ZNF248: variants seen among roughly 807,000 people sequenced by gnomAD.
ZNF248 encodes the protein KRAB protein domain.
ZNF248 carries 20 observed loss-of-function variants against 44.3 expected under a neutral mutation model. The ratio of observed to expected loss-of-function variants is 0.45; its 90% confidence interval spans 0.32 to 0.66. The LOEUF (loss-of-function observed/expected upper bound fraction) is 0.66, where lower values mean the gene tolerates loss of function less well. Ranked by LOEUF, ZNF248 falls within the 30% of genes least tolerant of loss-of-function variation. ZNF248 has a pLI of 0.04. For missense variants in ZNF248, 654 were observed against 677.0 expected (o/e 0.97, Z 0.38); for synonymous variants, 224 against 229.0 (o/e 0.98, Z 0.20).
chr10:37,840,975 A>C (rs1239648010), intron 3 of ZNF248, among the ~76,000 whole-genome samples: 2 of 152,192 alleles, frequency 1.3e-5, no homozygotes, highest in Non-Finnish European at 2.9e-5. Flanking sequence ...GGCCAAGCTG[A>C]AGCAGTTGGA....
chr10:37,790,347 A>C (rs2048356521), intron 6 of ZNF248, among the ~76,000 whole-genome samples: 1 of 151,666 alleles, frequency 6.6e-6, no homozygotes, highest in Non-Finnish European at 1.5e-5. Flanking sequence ...TGGGAGGCTG[A>C]GGCTGGAAAA....
the ZNF248 span, among the ~76,000 whole-genome samples, chr10:37,769,344 C>T: frequency 6.6e-6 from 1 of 152,280 alleles, no homozygotes; most frequent in Non-Finnish European, 1.5e-5. Flanking sequence ...GACCAATATC[C>T]TTGATGAATA....
chr10:37,812,236 C>T (rs528045166), intron 6 of ZNF248, among the ~76,000 whole-genome samples: 1 of 150,406 alleles, frequency 6.6e-6, no homozygotes, highest in Admixed American at 6.6e-5. Context: ...GACCCTGTCT[C>T]AAAAAAAGGA....
chr10:37,837,482 G>A (rs1205001371), intron 5 of ZNF248, 135 bp downstream of exon 5: 3 of 688,806 alleles, frequency 4.4e-6, no homozygotes, highest in Non-Finnish European at 7.3e-6. Context: ...TGGGCCAATT[G>A]TTTTTGATCA....
intron 3 of ZNF248, among the ~76,000 whole-genome samples, chr10:37,843,975 AAG>A (rs1441125647): frequency 3.3e-5 from 5 of 152,192 alleles, no homozygotes; most frequent in Admixed American, 6.5e-5. Flanking sequence ...AGAAGGAAAA[AAG>A]AGAGAGAAAT....
chr10:37,791,483 G>C (rs544498755), intron 6 of ZNF248: 1 of 152,174 alleles, frequency 6.6e-6, no homozygotes, highest in Non-Finnish European at 1.5e-5. Flanking sequence ...ATACTCTTTT[G>C]TATGGGACTT....
intron 6 of ZNF248, among the ~76,000 whole-genome samples, chr10:37,812,592 A>G (rs533177506): frequency 2.1e-4 from 32 of 152,294 alleles, no homozygotes; most frequent in African/African-American, 7.5e-4. Context: ...TGAAGTCAGG[A>G]CATACCTTTC....
At chr10:37,840,559 T>C (rs893114978) in intron 3 of ZNF248, among the ~76,000 whole-genome samples, 1 of 152,158 alleles carries the variant, frequency 6.6e-6, no homozygotes, top group Non-Finnish European at 1.5e-5. Flanking sequence ...TGATTCACAA[T>C]TGGTGGGAGT....
Position 37,832,849 on chromosome 10 carries a change from T to G in ZNF248, c.506A>C (p.Asn169Thr). Residue 169 changes from asparagine (N) to threonine (T), a missense_variant, in exon 6 of 6, where the codon AAT becomes ACT. Asn to Thr is a moderately conservative substitution (Grantham distance 65). Transcript: ENST00000395867. The part of the protein sequence containing the change: ...NCSRKKPDEF[N>T]VCEKLLLDIR... ...ATCAAGGAGCAATTTCTCACATACA[T>G]TAAACTCATCAGGCTTCTTTCTGGA... 3 of 1,613,872 alleles carry G rather than the reference T, an allele frequency of 1.9e-6. No homozygotes were observed. The African/African-American group carries it at 4.0e-5, about 22-fold the overall frequency.
chr10:37,769,865 T>A, the ZNF248 span, among the ~76,000 whole-genome samples: 4 of 152,196 alleles, frequency 2.6e-5, no homozygotes, highest in East Asian at 1.9e-4. Flanking sequence ...ATTGTATATC[T>A]AGAAAACCCC....
At chr10:37,823,102 G>A (rs372678036) in intron 6 of ZNF248, among the ~76,000 whole-genome samples, 32 of 152,040 alleles carry the variant, frequency 2.1e-4, no homozygotes, top group African/African-American at 7.2e-4. Context: ...TTGGGAGGCC[G>A]AGGTGGGCCA....
intron 6 of ZNF248, among the ~76,000 whole-genome samples, chr10:37,792,938 T>C (rs2048728634): frequency 6.6e-6 from 1 of 152,196 alleles, no homozygotes; most frequent in South Asian, 2.1e-4. Context: ...CATGTTAATT[T>C]CTTATTTTGA....
At chr10:37,769,349 T>A in the ZNF248 span, among the ~76,000 whole-genome samples, 1 of 152,196 alleles carries the variant, frequency 6.6e-6, no homozygotes, top group African/African-American at 2.4e-5. Flanking sequence ...ATATCCTTGA[T>A]GAATATTGAT....
chr10:37,763,562 T>A, the ZNF248 span, among the ~76,000 whole-genome samples: 12 of 152,304 alleles, frequency 7.9e-5, no homozygotes, highest in African/African-American at 2.9e-4. Context: ...TAAAAGACTG[T>A]ATTAATATAA....
intron 6 of ZNF248, among the ~76,000 whole-genome samples, chr10:37,780,534 T>G (rs561194111): frequency 1.4e-5 from 2 of 148,108 alleles, no homozygotes; most frequent in Admixed American, 1.3e-4. Flanking sequence ...ATTAAAGACT[T>G]AAACGACTCT....
rs1031089314 is a variant in ZNF248, at chr10:37,831,118, T to C, written c.*497A>G. ...CCAATGGTATTTAGTGTAGAAAATA[T>C]TAACAAATACCATAGTAGTTACTCA... On this transcript the variant is annotated 3_prime_UTR_variant, in exon 6 of 6. Coordinates refer to ENST00000395867, the MANE Select transcript of ZNF248 (RefSeq NM_021045.3). 4.9e-6 allele frequency: 7 copies of C among 1,421,852 alleles called. No individual in the cohort carries two copies. The Admixed American group carries it at 8.9e-5, about 18-fold the overall frequency. The allele number at this position is 1,421,852 out of a possible 1,614,324, so 88.1% of individuals were successfully genotyped here.
rs953113833 is a variant in ZNF248, at chr10:37,829,705, G to A, written c.*1910C>T. ...GCTACTGCCCTTCAGAGATAAAAAC[G>A]ATAAGCCAATACCATGTTACAGACA... On this transcript the variant is annotated 3_prime_UTR_variant, in exon 6 of 6. Coordinates refer to ENST00000395867, the MANE Select transcript of ZNF248 (RefSeq NM_021045.3). 3.6e-5 allele frequency: 35 copies of A among 985,198 alleles called. No individual in the cohort carries two copies. The highest frequency in any genetic ancestry group is 1.2e-4 in the Admixed American group (2 of 16,252). 61.0% of individuals were successfully genotyped at this position (985,198 alleles called of 1,614,324 possible). A position where few individuals can be genotyped will look rare whatever the true frequency, so the allele number is the denominator to read the frequency against.
At chr10:37,778,449 T>A (rs1161446002) in intron 6 of ZNF248, among the ~76,000 whole-genome samples, 2 of 151,922 alleles carry the variant, frequency 1.3e-5, no homozygotes, top group Admixed American at 6.6e-5. Context: ...CTTTGTCAGA[T>A]GAGTAGGTTG....
intron 6 of ZNF248, among the ~76,000 whole-genome samples, chr10:37,777,233 G>A (rs1229605714): frequency 6.6e-6 from 1 of 152,124 alleles, no homozygotes; most frequent in Non-Finnish European, 1.5e-5. Context: ...AACCTTTGAA[G>A]TGGGCCAAAC....
Sources: allele counts gnomAD v4.1 joint callset (sites outside exome capture counted in the v4.1 genomes callset), GRCh38; gene constraint gnomAD v4.1.1; transcripts MANE v1.5; gene names NCBI Gene and HGNC (gene_info 2026-07-23, HGNC 2026-07-21).